PLEKHG1: variants seen among roughly 807,000 people sequenced by gnomAD.
The protein encoded by PLEKHG1 is pleckstrin homology domain-containing family G member 1.
In PLEKHG1, 44 loss-of-function variants were observed where a neutral mutation model predicts 100.8. That is an observed-to-expected ratio of 0.44 (90% confidence interval 0.34 to 0.56). The LOEUF (loss-of-function observed/expected upper bound fraction) is 0.56. Among genes scored for constraint, PLEKHG1 ranks in the 20% least tolerant of loss-of-function variants. The pLI is 0.01. For synonymous variants in PLEKHG1, 640 were observed against 662.5 expected (o/e 0.97, Z 0.52); for missense variants, 1,545 against 1,720.9 (o/e 0.90, Z 1.81).
Position 150,777,844 on chromosome 6 carries a change from G to A in PLEKHG1, c.513-8546G>A, listed in dbSNP as rs548265320. Among the ~76,000 whole-genome samples the A allele has an allele frequency of 2.6e-5, 4 of 152,398 alleles. No individual in the cohort carries two copies. In the South Asian group the frequency reaches 6.2e-4, roughly 24 times the overall value. On this transcript the variant is annotated intron_variant, in intron 3 of 15. Coordinates refer to ENST00000358517, the Ensembl canonical transcript of PLEKHG1. ...TCCTGGTGCACATGTGCTGTTGCAC[G>A]TTAGTTACACTGATTCAATGAGAAA...
At chr6:150,822,528 C>T (rs975210112) in intron 13 of PLEKHG1, among the ~76,000 whole-genome samples, 1 of 152,184 alleles carries the variant, frequency 6.6e-6, no homozygotes, top group African/African-American at 2.4e-5. Context: ...TAAAAATGCC[C>T]ATGCAGTTGG....
At chr6:150,753,332 TC>T (rs1039968007) in intron 2 of PLEKHG1, among the ~76,000 whole-genome samples, 15 of 152,114 alleles carry the variant, frequency 9.9e-5, no homozygotes, top group African/African-American at 3.6e-4. Context: ...GGGGGAGCCA[TC>T]CCTTTATACT....
chr6:150,677,381 T>G (rs1779797721), intron 3 of PLEKHG1, among the ~76,000 whole-genome samples: 1 of 152,134 alleles, frequency 6.6e-6, no homozygotes, highest in Non-Finnish European at 1.5e-5. Context: ...CATGAGTCTT[T>G]GCACATGGCA....
rs1160884656 is a variant in PLEKHG1, at chr6:150,726,310, CTT to C, written c.-99+5113_-99+5114del. Among the ~76,000 whole-genome samples, 5 of 152,032 alleles carry C rather than the reference CTT, an allele frequency of 3.3e-5. No individual in the cohort carries two copies. In the East Asian group the frequency reaches 9.6e-4, roughly 29 times the overall value. On this transcript the variant is annotated intron_variant, in intron 1 of 15. Transcript: ENST00000358517. ...ATAATAATAAAGAGGCATAAGAAAA[CTT>C]TTGGAGGTGATGGCTATGTTCATGG...
rs1278144184 is a variant in PLEKHG1 at position 150,822,177 on chromosome 6, A to AAAAAAAAAAC, written c.1447+945_1447+946insAAAAAAAACA. ...AAAAAAAAAAAAAAAAAAAAAAAAAAAGAATAGGGCAGTTTCACAAAAACA... is the reference window on the plus strand; with the variant it reads ...AAAAAAAAAAAAAAAAAAAAAAAAAAAAAAAAAAACAGAATAGGGCAGTTTCACAAAAACA... On this transcript the variant is annotated intron_variant, in intron 13 of 15. Transcript: ENST00000358517. Among the ~76,000 whole-genome samples, 11 of 124,392 alleles carry AAAAAAAAAAC rather than the reference A, an allele frequency of 8.8e-5. 2 individuals are homozygous for AAAAAAAAAAC. The highest frequency in any genetic ancestry group is 2.7e-4 in the South Asian group (1 of 3,696). 81.6% of individuals were successfully genotyped at this position (124,392 alleles called of 152,430 possible).
At chr6:150,637,119 A>G (rs1433990014) in intron 1 of PLEKHG1, among the ~76,000 whole-genome samples, 1 of 152,208 alleles carries the variant, frequency 6.6e-6, no homozygotes, top group Non-Finnish European at 1.5e-5. Context: ...CAGTTAATAC[A>G]CTTATTTCTT....
intron 2 of PLEKHG1, among the ~76,000 whole-genome samples, chr6:150,641,384 CAT>C (rs1434948008): frequency 6.6e-6 from 1 of 152,132 alleles, no homozygotes; most frequent in East Asian, 1.9e-4. Flanking sequence ...AAATGGTAAT[CAT>C]ATTCAGTTTT....
intron 15 of PLEKHG1, 64 bp from the exon 17 acceptor site, chr6:150,839,769 T>C (rs955841139): frequency 2.0e-6 from 2 of 1,023,944 alleles, no homozygotes; most frequent in East Asian, 2.4e-5. Flanking sequence ...TATTCTCTTA[T>C]TTTTAATCTT....
chr6:150,733,130 C>G (rs1782358457), intron 1 of PLEKHG1, among the ~76,000 whole-genome samples: 1 of 152,126 alleles, frequency 6.6e-6, no homozygotes, highest in African/African-American at 2.4e-5. Flanking sequence ...CCGTAGGAAT[C>G]ACGTCGGGTC....
At chr6:150,612,266 A>G (rs1776881582) in intron 1 of PLEKHG1, among the ~76,000 whole-genome samples, 1 of 152,130 alleles carries the variant, frequency 6.6e-6, no homozygotes, top group Non-Finnish European at 1.5e-5. Flanking sequence ...GTGTTGATTG[A>G]TATATTAATA....
At chr6:150,711,875 G>A (rs1195082547) in intron 3 of PLEKHG1, among the ~76,000 whole-genome samples, 1 of 152,200 alleles carries the variant, frequency 6.6e-6, no homozygotes, top group Non-Finnish European at 1.5e-5. Flanking sequence ...CCTGGATCAA[G>A]CAGGCCATAA....
chr6:150,814,208 C>G (rs1418393237), intron 10 of PLEKHG1, among the ~76,000 whole-genome samples: 2 of 152,092 alleles, frequency 1.3e-5, no homozygotes, highest in African/African-American at 4.8e-5. Flanking sequence ...CTTAGAATGC[C>G]CTTCTGAGCA....
intron 1 of PLEKHG1, among the ~76,000 whole-genome samples, chr6:150,636,821 A>G (rs968851413): frequency 8.5e-5 from 13 of 152,182 alleles, no homozygotes; most frequent in Non-Finnish European, 4.4e-5. Flanking sequence ...AATATAAAAA[A>G]CTTATTCCTC....
intron 7 of PLEKHG1, among the ~76,000 whole-genome samples, chr6:150,808,064 A>G (rs575133490): frequency 1.3e-5 from 2 of 152,388 alleles, no homozygotes; most frequent in South Asian, 2.1e-4. Context: ...AACTGAAAGT[A>G]TAATTGGAAT....
At chr6:150,840,557 T>A in exon 16 of PLEKHG1, 1 of 1,614,148 alleles carries the variant, frequency 6.2e-7, no homozygotes, top group South Asian at 1.1e-5. Context: ...TCAAAGAGAC[T>A]GATGGAGATG....
intron 4 of PLEKHG1, among the ~76,000 whole-genome samples, chr6:150,787,801 C>T (rs146411270): frequency 3.9e-4 from 59 of 152,252 alleles, no homozygotes; most frequent in African/African-American, 1.3e-3. Context: ...TCCATGGGCT[C>T]TCCTGACTTT....
exon 15 of PLEKHG1, chr6:150,830,907 C>T: frequency 1.9e-6 from 3 of 1,614,174 alleles, no homozygotes; most frequent in Non-Finnish European, 2.5e-6. Context: ...ACAGAGACCT[C>T]CAGCTCTGGT....
At chr6:150,678,184 A>G (rs973469834) in intron 3 of PLEKHG1, among the ~76,000 whole-genome samples, 2 of 149,212 alleles carry the variant, frequency 1.3e-5, no homozygotes, top group African/African-American at 4.9e-5. Flanking sequence ...GAGGTCTACA[A>G]TACGTTACCA....
chr6:150,766,618 A>G (rs996610392), intron 2 of PLEKHG1, among the ~76,000 whole-genome samples: 3 of 152,202 alleles, frequency 2.0e-5, no homozygotes, highest in African/African-American at 4.8e-5. Flanking sequence ...ATTTCTGAAA[A>G]CAAGCAACTT....
Sources: gnomAD v4.1 joint callset for allele counts (sites outside exome capture counted in the v4.1 genomes callset) on GRCh38, gnomAD v4.1.1 for gene constraint, MANE v1.5 for transcripts, NCBI Gene and HGNC (gene_info 2026-07-23, HGNC 2026-07-21) for gene names.